GRIK2: variants seen among roughly 807,000 people sequenced by gnomAD.
GRIK2 encodes glutamate ionotropic receptor kainate type subunit 2.
Under a neutral mutation model 100.3 loss-of-function variants are expected in GRIK2, and 32 were observed. That is an observed-to-expected ratio of 0.32 (90% confidence interval 0.24 to 0.43). The LOEUF is 0.43. Among genes scored for constraint, GRIK2 ranks in the 20% least tolerant of loss-of-function variants. The pLI, the probability that GRIK2 is intolerant of heterozygous loss-of-function variation, is 1.00. For missense variants in GRIK2, 843 were observed against 1,114.9 expected (o/e 0.76, Z 3.47); for synonymous variants, 417 against 389.4 (o/e 1.07, Z -0.83).
At chr6:101,807,836 G>A (rs530191873) in intron 9 of GRIK2, among the ~76,000 whole-genome samples, 1 of 152,094 alleles carries the variant, frequency 6.6e-6, no homozygotes, top group Non-Finnish European at 1.5e-5. Context: ...GTCATAGTTT[G>A]TCATCACACA....
intron 4 of GRIK2, among the ~76,000 whole-genome samples, chr6:101,627,230 C>T (rs1187887441): frequency 6.6e-6 from 1 of 151,982 alleles, no homozygotes; most frequent in Non-Finnish European, 1.5e-5. Context: ...CAACCTCTGC[C>T]TCCCAGGTTC....
chr6:101,494,199 A>T (rs886601877), intron 2 of GRIK2, among the ~76,000 whole-genome samples: 4 of 151,344 alleles, frequency 2.6e-5, no homozygotes, highest in South Asian at 2.1e-4. Flanking sequence ...AATTCAGTTC[A>T]TTTCAGTCAC....
intron 2 of GRIK2, among the ~76,000 whole-genome samples, chr6:101,521,317 T>C (rs1006992882): frequency 3.3e-5 from 5 of 152,000 alleles, no homozygotes; most frequent in Admixed American, 2.6e-4. Context: ...TTTATTGAGA[T>C]TTATTGAAAA....
chr6:101,410,886 G>A (rs1446986586), intron 2 of GRIK2, among the ~76,000 whole-genome samples: 1 of 151,992 alleles, frequency 6.6e-6, no homozygotes, highest in Admixed American at 6.6e-5. Context: ...GGGTAAGGTG[G>A]AGGACAATCA....
chr6:102,030,151 T>C (rs934829626), intron 14 of GRIK2, among the ~76,000 whole-genome samples: 2 of 151,228 alleles, frequency 1.3e-5, no homozygotes, highest in African/African-American at 4.8e-5. Context: ...CAAGTTGAAC[T>C]CATAGAAGCA....
At chr6:101,799,000 A>G (rs1361476708) in intron 7 of GRIK2, among the ~76,000 whole-genome samples, 1 of 152,128 alleles carries the variant, frequency 6.6e-6, no homozygotes, top group African/African-American at 2.4e-5. Context: ...ACCGTACAAG[A>G]GATTAAGCTT....
Position 101,928,622 on chromosome 6 carries a change from CT to C in GRIK2, c.2081del (p.Phe694SerfsTer16). 4 of 1,560,882 alleles carry C rather than the reference CT, an allele frequency of 2.6e-6. No individual in the cohort carries two copies. The highest frequency in any genetic ancestry group is 3.5e-6 in the Non-Finnish European group (4 of 1,131,892). ...YGAVEDGATM[T>X]FFKKSKISTY... is the part of the protein sequence containing the mutation. ...GCAGTAGAGGATGGTGCAACCATGA[CT>C]TTTTTCAAGGTAAGTTCTGCTGGTT... On this transcript the variant is annotated frameshift_variant, in exon 14 of 17. Coordinates refer to ENST00000369134, the MANE Select transcript of GRIK2 (RefSeq NM_021956.5). LOFTEE classifies it high-confidence loss of function.
At chr6:102,036,935 T>C (rs1443974658) in intron 15 of GRIK2, among the ~76,000 whole-genome samples, 1 of 151,426 alleles carries the variant, frequency 6.6e-6, no homozygotes, top group African/African-American at 2.4e-5. Context: ...AATAATGCTG[T>C]ACATGCTTTG....
rs539738586 is a variant in GRIK2 at position 101,873,098 on chromosome 6, A to AT, written c.1524+13613dup. 6.6e-5 allele frequency among the ~76,000 whole-genome samples: 10 copies of AT among 151,620 alleles called. 1 individual carries two copies. In the East Asian group the frequency reaches 1.6e-3, roughly 24 times the overall value. On this transcript the variant is annotated intron_variant, in intron 11 of 16. Coordinates refer to ENST00000369134, the MANE Select transcript of GRIK2 (RefSeq NM_021956.5). The stretch of plus-strand genomic sequence containing the variant: ...CAAGTGATTTTTAAACTGGACATTA[A>AT]TTTTTTTTAAATTATACATTAAGTT...
intron 2 of GRIK2, among the ~76,000 whole-genome samples, chr6:101,492,002 A>C (rs1298366167): frequency 1.3e-5 from 2 of 152,032 alleles, no homozygotes; most frequent in African/African-American, 4.8e-5. Flanking sequence ...ATTGCATCTC[A>C]TCGAGAGGTA....
At chr6:101,846,119 T>C (rs1783797721) in intron 10 of GRIK2, among the ~76,000 whole-genome samples, 1 of 152,114 alleles carries the variant, frequency 6.6e-6, no homozygotes. Context: ...TGTCTTTTCA[T>C]TTGTTTGACA....
At chr6:101,717,756 A>G (rs1315460400) in intron 7 of GRIK2, among the ~76,000 whole-genome samples, 4 of 151,828 alleles carry the variant, frequency 2.6e-5, no homozygotes, top group African/African-American at 7.2e-5. Flanking sequence ...TAAATTTTTC[A>G]TTGAAAATAT....
intron 4 of GRIK2, among the ~76,000 whole-genome samples, chr6:101,660,849 C>T (rs778248107): frequency 6.6e-6 from 1 of 152,122 alleles, no homozygotes; most frequent in Non-Finnish European, 1.5e-5. Context: ...CCTCTGGAAG[C>T]TTCATCCCAG....
intron 5 of GRIK2, among the ~76,000 whole-genome samples, chr6:101,681,174 A>T (rs148419328): frequency 6.6e-6 from 1 of 152,246 alleles, no homozygotes; most frequent in East Asian, 1.9e-4. Flanking sequence ...TATGAGGTAT[A>T]TGGGATATTT....
chr6:102,033,116 C>A (rs1770083376), intron 14 of GRIK2, among the ~76,000 whole-genome samples: 1 of 150,834 alleles, frequency 6.6e-6, no homozygotes, highest in African/African-American at 2.4e-5. Context: ...ACAAAAATAC[C>A]TACATATTTT....
chr6:101,797,023 A>G (rs1351151686), intron 7 of GRIK2, among the ~76,000 whole-genome samples: 1 of 152,136 alleles, frequency 6.6e-6, no homozygotes, highest in Non-Finnish European at 1.5e-5. Context: ...GTCATATTAA[A>G]TAAGGTTACT....
chr6:101,797,083 G>T (rs1780354454), intron 7 of GRIK2, among the ~76,000 whole-genome samples: 1 of 151,946 alleles, frequency 6.6e-6, no homozygotes, highest in African/African-American at 2.4e-5. Context: ...ATGTCAGTAA[G>T]TCATGAAAAG....
At chr6:102,066,312 T>C (rs1230224012) in intron 16 of GRIK2, among the ~76,000 whole-genome samples, 1 of 151,638 alleles carries the variant, frequency 6.6e-6, no homozygotes, top group African/African-American at 2.4e-5. Flanking sequence ...TATCTATTGT[T>C]AATTCAATCA....
chr6:101,743,567 A>G (rs1379346741), intron 7 of GRIK2, among the ~76,000 whole-genome samples: 1 of 152,024 alleles, frequency 6.6e-6, no homozygotes, highest in African/African-American at 2.4e-5. Flanking sequence ...TTTTTTCCAT[A>G]GTCTTTTATC....
Sources: gnomAD v4.1 joint callset for allele counts (sites outside exome capture counted in the v4.1 genomes callset) on GRCh38, gnomAD v4.1.1 for gene constraint, MANE v1.5 for transcripts, NCBI Gene and HGNC (gene_info 2026-07-23, HGNC 2026-07-21) for gene names.